PTPRD: variants seen among roughly 807,000 people sequenced by gnomAD.
The protein encoded by PTPRD is receptor-type tyrosine-protein phosphatase delta.
A neutral mutation model predicts 214.5 loss-of-function variants in PTPRD; 34 were observed. The ratio of observed to expected loss-of-function variants is 0.16; its 90% CI spans 0.12 to 0.21. The LOEUF (loss-of-function observed/expected upper bound fraction) is 0.21, where lower values mean the gene tolerates loss of function less well. PTPRD is among the 10% of genes least tolerant of loss of function. The pLI is 1.00. For missense variants in PTPRD, 2,545 were observed against 2,398.7 expected (o/e 1.06, Z -1.27); for synonymous variants, 1,128 against 845.7 (o/e 1.33, Z -5.79).
At chr9:9,069,018 A>G (rs1468844650) in intron 10 of PTPRD, among the ~76,000 whole-genome samples, 4 of 152,206 alleles carry the variant, frequency 2.6e-5, no homozygotes, top group African/African-American at 9.6e-5. Context: ...TCATATATAC[A>G]AAGGAAAATA....
chr9:10,143,269 TATAATA>T (rs1274361209), intron 3 of PTPRD, among the ~76,000 whole-genome samples: 1 of 143,288 alleles, frequency 7.0e-6, no homozygotes, highest in Non-Finnish European at 1.5e-5. Context: ...AAACTTAAAG[TATAATA>T]ATAATAAATA....
chr9:8,593,285 C>G (rs183923060), intron 14 of PTPRD, among the ~76,000 whole-genome samples: 22 of 152,306 alleles, frequency 1.4e-4, no homozygotes, highest in Admixed American at 1.4e-3. Flanking sequence ...GCACCTGATA[C>G]AGAAGATGCT....
intron 3 of PTPRD, among the ~76,000 whole-genome samples, chr9:10,277,203 A>G (rs10959006): frequency 6.6e-5 from 10 of 151,794 alleles, no homozygotes; most frequent in Middle Eastern, 3.4e-3. Context: ...CATAAAACAT[A>G]AACATAAACA....
intron 11 of PTPRD, among the ~76,000 whole-genome samples, chr9:8,894,029 G>A (rs146281236): frequency 0.022 from 3,370 of 152,020 alleles, 117 homozygotes; most frequent in African/African-American, 0.076. Flanking sequence ...CCGAAGATAC[G>A]CACACAATGG....
chr9:8,499,234 A>G (rs1321442582), intron 25 of PTPRD, among the ~76,000 whole-genome samples: 1 of 152,200 alleles, frequency 6.6e-6, no homozygotes, highest in Non-Finnish European at 1.5e-5. Context: ...GTGGAAGAAG[A>G]CACACATTTA....
intron 3 of PTPRD, among the ~76,000 whole-genome samples, chr9:10,196,500 C>T (rs2099398799): frequency 6.6e-6 from 1 of 152,144 alleles, no homozygotes; most frequent in Non-Finnish European, 1.5e-5. Flanking sequence ...TCTGCATAGA[C>T]TCTGGGTACT....
chr9:10,163,873 A>G (rs2099143263), intron 3 of PTPRD, among the ~76,000 whole-genome samples: 1 of 151,560 alleles, frequency 6.6e-6, no homozygotes, highest in Non-Finnish European at 1.5e-5. Context: ...AGGGTCATTT[A>G]GAGTATTACC....
chr9:9,881,932 A>G (rs2068854521), intron 5 of PTPRD, among the ~76,000 whole-genome samples: 1 of 152,106 alleles, frequency 6.6e-6, no homozygotes, highest in African/African-American at 2.4e-5. Flanking sequence ...GGCAGAGTCA[A>G]GTCACCCAGG....
chr9:10,002,592 G>T (rs973303657), intron 4 of PTPRD, among the ~76,000 whole-genome samples: 1 of 150,150 alleles, frequency 6.7e-6, no homozygotes, highest in Non-Finnish European at 1.5e-5. Context: ...TAGCACAAAA[G>T]AAGAATATTT....
intron 7 of PTPRD, among the ~76,000 whole-genome samples, chr9:9,642,721 G>C (rs142940837): frequency 6.6e-6 from 1 of 152,174 alleles, no homozygotes; most frequent in Admixed American, 6.5e-5. Context: ...GAGGTAAATA[G>C]TAAGGATCAT....
At position 8,328,586 on chromosome 9, in the gene PTPRD, A is replaced by G. The variant is rs561104015; in HGVS notation, c.5534+2996T>C. 6.2e-5 allele frequency among the ~76,000 whole-genome samples: 8 copies of G among 128,862 alleles called. No homozygotes were observed. The Admixed American group carries it at 6.5e-4, about 10-fold the overall frequency. 84.5% of individuals were successfully genotyped at this position (128,862 alleles called of 152,430 possible). On this transcript the variant is annotated intron_variant, in intron 44 of 45. Coordinates refer to ENST00000381196, the MANE Select transcript of PTPRD (RefSeq NM_002839.4). The stretch of plus-strand genomic sequence containing the variant: ...TTGGCCTGTCTTGCTAGGTTGGGGA[A>G]GTTCTTCTGGATAATATCCTGATAT...
chr9:9,555,369 T>C (rs1294933599), intron 8 of PTPRD, among the ~76,000 whole-genome samples: 3 of 152,026 alleles, frequency 2.0e-5, no homozygotes, highest in Non-Finnish European at 4.4e-5. Flanking sequence ...ATTGACTGAG[T>C]TCACCAGAAA....
chr9:8,746,244 T>A (rs918669969), intron 11 of PTPRD, among the ~76,000 whole-genome samples: 2 of 152,108 alleles, frequency 1.3e-5, no homozygotes, highest in South Asian at 2.1e-4. Context: ...TGCACTTTAT[T>A]ACGAAGTTGC....
intron 34 of PTPRD, among the ~76,000 whole-genome samples, chr9:8,442,032 T>C (rs1441786681): frequency 1.3e-5 from 2 of 152,148 alleles, no homozygotes; most frequent in Admixed American, 6.5e-5. Context: ...AAAGTGTCAA[T>C]ACAGGGCCTT....
intron 7 of PTPRD, among the ~76,000 whole-genome samples, chr9:9,613,131 C>CAT (rs1383091159): frequency 0.077 from 3,045 of 39,368 alleles, 205 homozygotes; most frequent in Non-Finnish European, 0.095. Flanking sequence ...AGTATACATA[C>CAT]ATACATATAT....
intron 9 of PTPRD, among the ~76,000 whole-genome samples, chr9:9,384,408 A>C (rs536429274): frequency 8.4e-4 from 107 of 127,836 alleles, no homozygotes; most frequent in Middle Eastern, 5.4e-3. Context: ...AACCCTATCC[A>C]AGAGATAGTT....
intron 10 of PTPRD, among the ~76,000 whole-genome samples, chr9:9,134,038 A>G (rs1482057533): frequency 1.3e-5 from 2 of 148,434 alleles, no homozygotes; most frequent in Non-Finnish European, 1.5e-5. Flanking sequence ...GCAGTTTCCA[A>G]TAGTTCATAT....
intron 3 of PTPRD, among the ~76,000 whole-genome samples, chr9:10,300,489 C>G (rs757732084): frequency 2.6e-5 from 4 of 152,200 alleles, no homozygotes; most frequent in African/African-American, 9.6e-5. Flanking sequence ...CTCCACCACC[C>G]GGAGCCCAGC....
chr9:8,679,140 C>G (rs534077444), intron 12 of PTPRD, among the ~76,000 whole-genome samples: 1 of 152,118 alleles, frequency 6.6e-6, no homozygotes, highest in African/African-American at 2.4e-5. Context: ...AAAAAGGATT[C>G]CATCTTTAGA....
Sources: allele counts gnomAD v4.1 joint callset (sites outside exome capture counted in the v4.1 genomes callset), GRCh38; gene constraint gnomAD v4.1.1; transcripts MANE v1.5; gene names NCBI Gene and HGNC (gene_info 2026-07-23, HGNC 2026-07-21).